The following TRERF1 variants were observed in gnomAD, a reference collection of about 807,000 sequenced individuals.
TRERF1 encodes transcriptional-regulating factor 1.
Under a neutral mutation model 122.9 loss-of-function variants are expected in TRERF1, and 27 were observed. That is an observed-to-expected ratio of 0.22 (90% CI 0.16 to 0.30). The LOEUF (loss-of-function observed/expected upper bound fraction) is 0.30. Among genes scored for constraint, TRERF1 ranks in the 10% least tolerant of loss-of-function variants. The probability of loss-of-function intolerance (pLI) is 1.00; values close to 1 mark genes in which losing one functional copy is unlikely to be tolerated. For missense variants in TRERF1, 1,248 were observed against 1,560.3 expected, an observed-to-expected ratio of 0.80 and a Z score of 3.37; for synonymous variants, 636 against 641.7, an observed-to-expected ratio of 0.99 and a Z score of 0.13.
chr6:42,278,792 C>G (rs1781754720), intron 4 of TRERF1, among the ~76,000 whole-genome samples: 1 of 152,150 alleles, frequency 6.6e-6, no homozygotes, highest in African/African-American at 2.4e-5. Flanking sequence ...TAAGGAGGAG[C>G]TGCTAAGAGA....
In TRERF1 at chr6:42,259,892, GT is replaced by G. The variant is rs777945605; in HGVS notation, c.1885-170del. 1.3e-5 allele frequency among the ~76,000 whole-genome samples: 2 copies of G among 152,000 alleles called. No individual in the cohort carries two copies. Among genetic ancestry groups the G allele is most frequent in the Non-Finnish European group, 2.9e-5 (2 of 67,980 alleles). ...ACCACATCCATTTTAGGCAAAGCGA[GT>G]TCTGGTTGCTAGACTAGGGAGAAAA... On this transcript the variant is annotated intron_variant, in intron 8 of 17. Coordinates refer to ENST00000372922, the Ensembl canonical transcript of TRERF1. This position sits in a 1 kb window ranked among gnomAD's most constrained non-coding sequence, Gnocchi z 4.9.
At chr6:42,244,562 C>T (rs1582520452) in intron 14 of TRERF1, among the ~76,000 whole-genome samples, 1 of 152,190 alleles carries the variant, frequency 6.6e-6, no homozygotes, top group Non-Finnish European at 1.5e-5. Context: ...CAAAAGGGAG[C>T]ACACTATAAA....
intron 3 of TRERF1, among the ~76,000 whole-genome samples, chr6:42,354,574 A>C (rs1270081402): frequency 6.6e-6 from 1 of 152,096 alleles, no homozygotes; most frequent in Non-Finnish European, 1.5e-5. Flanking sequence ...GATTTTTCCC[A>C]AATTGTTAAT....
chr6:42,355,936 A>G (rs1770458710), intron 3 of TRERF1, among the ~76,000 whole-genome samples: 2 of 152,228 alleles, frequency 1.3e-5, no homozygotes. Flanking sequence ...GGAATATTGG[A>G]TGTGTTGAAC....
rs1778116436 is a variant in TRERF1, at chr6:42,393,691, G to A, written c.-453-30612C>T. Among the ~76,000 whole-genome samples the A allele has an allele frequency of 6.6e-6, 1 of 152,146 alleles. No individual in the cohort carries two copies. The highest frequency in any genetic ancestry group is 2.4e-5 in the African/African-American group (1 of 41,424). The stretch of plus-strand genomic sequence containing the variant: ...GGTGAATGAGCAAAAGAAATGGAAG[G>A]CAATTTAGATGACTAAATATAGGGG... On this transcript the variant is annotated intron_variant, in intron 2 of 17. Coordinates refer to ENST00000372922, the Ensembl canonical transcript of TRERF1. The surrounding 1 kb of genome is among the most constrained non-coding windows in gnomAD (Gnocchi z 4.1).
At chr6:42,278,250 A>AGACCAAT (rs1781657418) in intron 4 of TRERF1, among the ~76,000 whole-genome samples, 1 of 152,224 alleles carries the variant, frequency 6.6e-6, no homozygotes, top group Admixed American at 6.5e-5. Flanking sequence ...CGCAGTGTAG[A>AGACCAAT]GACCAATGTG....
chr6:42,310,807 C>T (rs1456166514), intron 3 of TRERF1, among the ~76,000 whole-genome samples: 1 of 152,180 alleles, frequency 6.6e-6, no homozygotes, highest in Non-Finnish European at 1.5e-5. Flanking sequence ...TCCAAGAAAG[C>T]AGGTGTCTAT....
At position 42,228,170 on chromosome 6, in the gene TRERF1, A is replaced by AT. The variant is rs1340202027; in HGVS notation, c.*174dup. 4.2e-5 allele frequency: 25 copies of AT among 592,966 alleles called. No individual in the cohort carries two copies. The highest frequency in any genetic ancestry group is 6.3e-5 in the East Asian group (2 of 31,974). 36.7% of individuals were successfully genotyped at this position (592,966 alleles called of 1,614,324 possible). On this transcript the variant is annotated 3_prime_UTR_variant, in exon 18 of 18. Transcript: ENST00000372922. The surrounding 1 kb of genome is among the most constrained non-coding windows in gnomAD (Gnocchi z 4.2). Reference sequence around the variant, plus strand: ...TTCCCCCAACCCCCCACAAAAACAAATTTTTTTAAATAAAAGGAAAAGAAA... The same window carrying AT: ...TTCCCCCAACCCCCCACAAAAACAAATTTTTTTTAAATAAAAGGAAAAGAAA...
At chr6:42,238,870 C>CACACACAA (rs1554124320) in intron 15 of TRERF1, among the ~76,000 whole-genome samples, 2,211 of 148,906 alleles carry the variant, frequency 0.015, 19 homozygotes, top group Non-Finnish European at 0.019. Flanking sequence ...CACACACACA[C>CACACACAA]AATTTCTAGT....
intron 3 of TRERF1, among the ~76,000 whole-genome samples, chr6:42,316,967 T>C (rs776078041): frequency 2.0e-5 from 3 of 152,194 alleles, no homozygotes; most frequent in Non-Finnish European, 4.4e-5. Flanking sequence ...TTGAGATGCT[T>C]TTCAGACTTT....
rs1158287620 is a variant in TRERF1 at position 42,379,909 on chromosome 6, G to A, written c.-453-16830C>T. On this transcript the variant is annotated intron_variant, in intron 2 of 17. Transcript: ENST00000372922. ...AAACAGAACAAGTTTTGGTGTTTAC[G>A]TTCCACAGGGAGGAGACAAAGAAAG... Among the ~76,000 whole-genome samples, 3 of 152,194 alleles carry A rather than the reference G, an allele frequency of 2.0e-5. 1 individual carries two copies. Among genetic ancestry groups the A allele is most frequent in the East Asian group, 3.8e-4 (2 of 5,198 alleles).
In TRERF1 at chr6:42,271,843, A is replaced by G. The variant is rs1780275736; in HGVS notation, c.-258-1995T>C. ...TTGTTACAGAAAAATATGGTAGGGAAACAAGTGAAAAAGTTCCAAGCATAA... is the reference window on the plus strand; with the variant it reads ...TTGTTACAGAAAAATATGGTAGGGAGACAAGTGAAAAAGTTCCAAGCATAA... On this transcript the variant is annotated intron_variant, in intron 4 of 17. Transcript: ENST00000372922. Among the ~76,000 whole-genome samples, 3 of 152,224 alleles carry G rather than the reference A, an allele frequency of 2.0e-5. No homozygotes were observed. In the South Asian group the frequency reaches 6.2e-4, roughly 31 times the overall value.
intron 2 of TRERF1, among the ~76,000 whole-genome samples, chr6:42,428,674 A>C (rs924347863): frequency 5.3e-5 from 8 of 152,212 alleles, no homozygotes; most frequent in South Asian, 2.1e-4. Flanking sequence ...CAAAACTCCA[A>C]AGGAGATTAA....
intron 4 of TRERF1, among the ~76,000 whole-genome samples, chr6:42,273,012 C>T (rs1334122355): frequency 6.6e-6 from 1 of 152,138 alleles, no homozygotes; most frequent in Non-Finnish European, 1.5e-5. Context: ...ACTGCAGGGC[C>T]TTTGTACATG....
chr6:42,270,756 A>G (rs894337695), intron 4 of TRERF1, among the ~76,000 whole-genome samples: 9 of 150,856 alleles, frequency 6.0e-5, no homozygotes, highest in Non-Finnish European at 1.0e-4. Flanking sequence ...GCAACACAGC[A>G]AGACCTCATC....
Position 42,259,867 on chromosome 6 carries a change from AC to A in TRERF1, c.1885-145del. On this transcript the variant is annotated intron_variant, in intron 8 of 17. Transcript: ENST00000372922. This position sits in a 1 kb window ranked among gnomAD's most constrained non-coding sequence, Gnocchi z 4.9. Reference sequence around the variant, plus strand: ...CCACCCCCAACGCCCCCACATTCTGACCACATCCATTTTAGGCAAAGCGAGT... The same window carrying A: ...CCACCCCCAACGCCCCCACATTCTGACACATCCATTTTAGGCAAAGCGAGT... 1 of 1,164,170 alleles carries A rather than the reference AC, an allele frequency of 8.6e-7. No individual in the cohort carries two copies. Among genetic ancestry groups the A allele is most frequent in the Non-Finnish European group, 1.2e-6 (1 of 843,556 alleles). The allele number at this position is 1,164,170 out of a possible 1,614,324, so 72.1% of individuals were successfully genotyped here. A position where few individuals can be genotyped will look rare whatever the true frequency, so the allele number is the denominator to read the frequency against.
At chr6:42,363,781 A>T (rs530284986) in intron 2 of TRERF1, among the ~76,000 whole-genome samples, 1 of 152,316 alleles carries the variant, frequency 6.6e-6, no homozygotes, top group African/African-American at 2.4e-5. Context: ...CCACAAGCCA[A>T]GAAGCTACCC....
chr6:42,385,215 G>A (rs1776594578), intron 2 of TRERF1, among the ~76,000 whole-genome samples: 1 of 152,106 alleles, frequency 6.6e-6, no homozygotes, highest in South Asian at 2.1e-4. Flanking sequence ...GACCTCAAGT[G>A]ATCCACCTGC....
chr6:42,408,195 T>C (rs1043061248), intron 2 of TRERF1, among the ~76,000 whole-genome samples: 1 of 123,666 alleles, frequency 8.1e-6, no homozygotes. Context: ...TTCCATTAAC[T>C]TCGCTATATA....
Sources: gnomAD v4.1 joint callset for allele counts (sites outside exome capture counted in the v4.1 genomes callset) on GRCh38, gnomAD v4.1.1 for gene constraint, Gnocchi (gnomAD v3.1) non-coding constraint, MANE v1.5 for transcripts, NCBI Gene and HGNC (gene_info 2026-07-23, HGNC 2026-07-21) for gene names.